RAB37: variants seen among roughly 807,000 people sequenced by gnomAD.
The protein encoded by RAB37 is ras-related protein Rab-37.
Under a neutral mutation model 33.1 loss-of-function variants are expected in RAB37, and 29 were observed. The observed-to-expected ratio is 0.88, with a 90% confidence interval of 0.65 to 1.20. The LOEUF is 1.20. Ranked by LOEUF, RAB37 falls within the 50% of genes most tolerant of loss-of-function variation. RAB37 has a pLI of 0.00. For missense variants in RAB37, 299 were observed against 301.1 expected, an observed-to-expected ratio of 0.99 and a Z score of 0.05; for synonymous variants, 128 against 119.5, an observed-to-expected ratio of 1.07 and a Z score of -0.47.
chr17:74,733,466 G>GTGTGTTGGTGAGGTGTGTGGTGT (rs1339989554), upstream of RAB37, among the ~76,000 whole-genome samples: 3 of 712 alleles, frequency 4.2e-3, no homozygotes, highest in Non-Finnish European at 0.01. Context: ...GTGATTTGAG[G>GTGTGTTGGTGAGGTGTGTGGTGT]GATGTGTGTG....
chr17:74,677,836 G>A (rs2031868867), intron 1 of RAB37, among the ~76,000 whole-genome samples: 1 of 152,128 alleles, frequency 6.6e-6, no homozygotes, highest in South Asian at 2.1e-4. Context: ...CCTCAAAGTC[G>A]TTTTCCAAAC....
intron 1 of RAB37, among the ~76,000 whole-genome samples, chr17:74,708,658 G>T (rs564615576): frequency 6.4e-4 from 98 of 152,160 alleles, no homozygotes; most frequent in African/African-American, 2.1e-3. Flanking sequence ...GGCTTACACC[G>T]GTAATCCCAG....
Position 74,671,740 on chromosome 17 carries a change from T to G in RAB37, c.72+82T>G, listed in dbSNP as rs1598172058. The G allele has an allele frequency of 7.9e-7, 1 of 1,261,488 alleles. No individual in the cohort carries two copies. The highest frequency in any genetic ancestry group is 2.3e-5 in the East Asian group (1 of 42,788). 78.1% of individuals were successfully genotyped at this position (1,261,488 alleles called of 1,614,324 possible). A position where few individuals can be genotyped will look rare whatever the true frequency, so the allele number is the denominator to read the frequency against. ...TTTTCTCCACTCCCCTGACTTTGCT[T>G]TGGGACTTAATGAGAAACTAGCTTG... On this transcript the variant is annotated intron_variant, in intron 1 of 7. Transcript: ENST00000340415. The surrounding 1 kb of genome is among the most constrained non-coding windows in gnomAD (Gnocchi z 5.0).
At chr17:74,740,718 C>T (rs763214595) in intron 1 of RAB37, 50 bp from the exon 2 acceptor site, 1 of 1,285,380 alleles carries the variant, frequency 7.8e-7, no homozygotes, top group Non-Finnish European at 1.1e-6. Context: ...CCTGGAATCC[C>T]AGAAGCTGCC....
intron 1 of RAB37, chr17:74,695,818 C>T (rs759263296): frequency 6.2e-7 from 1 of 1,614,142 alleles, no homozygotes; most frequent in South Asian, 1.1e-5. Context: ...GCTGCAGGGT[C>T]AGGTCTGCAT....
rs1022663394 is a variant in RAB37, at chr17:74,745,438, G to A, written c.*27G>A. 1 of 1,577,532 alleles carries A rather than the reference G, an allele frequency of 6.3e-7. No homozygotes were observed. The highest frequency in any genetic ancestry group is 1.3e-5 in the African/African-American group (1 of 74,254). ...TCCCAGGGGGCAGAGAGGAGGCTCT[G>A]GAGGCACACAGGATGCAGCCTTCCC... On this transcript the variant is annotated 3_prime_UTR_variant, in exon 9 of 9. Coordinates refer to ENST00000392613, the MANE Select transcript of RAB37 (RefSeq NM_001006638.3). The surrounding 1 kb of genome is among the most constrained non-coding windows in gnomAD (Gnocchi z 4.5).
Position 74,705,354 on chromosome 17 carries a change from G to C in RAB37, c.73-23902G>C. ...AATGCCTTTGAAGTTGATCAAAACA[G>C]CAACGGCAACTGGTCTCCATGTGCT... On this transcript the variant is annotated intron_variant, in intron 1 of 7. Transcript: ENST00000340415. 9.1e-6 allele frequency: 6 copies of C among 660,646 alleles called. No individual in the cohort carries two copies. The South Asian group carries it at 9.3e-5, about 10-fold the overall frequency. 40.9% of individuals were successfully genotyped at this position (660,646 alleles called of 1,614,324 possible).
At chr17:74,682,747 A>G (rs1232063312) in intron 1 of RAB37, among the ~76,000 whole-genome samples, 2 of 152,236 alleles carry the variant, frequency 1.3e-5, no homozygotes, top group Admixed American at 6.5e-5. Flanking sequence ...TCTGCTAAAA[A>G]TACAAAATTA....
intron 1 of RAB37, among the ~76,000 whole-genome samples, chr17:74,718,205 A>T (rs1316524227): frequency 6.6e-6 from 1 of 152,064 alleles, no homozygotes; most frequent in Non-Finnish European, 1.5e-5. Context: ...GAGGCAGGGG[A>T]ATCACCTGAG....
intron 1 of RAB37, among the ~76,000 whole-genome samples, chr17:74,726,891 T>C (rs551037051): frequency 6.6e-6 from 1 of 152,376 alleles, no homozygotes; most frequent in Admixed American, 6.5e-5. Flanking sequence ...CTTGAATTCT[T>C]GTCTTTGGAA....
chr17:74,718,153 G>T (rs905985870), intron 1 of RAB37, among the ~76,000 whole-genome samples: 1 of 152,042 alleles, frequency 6.6e-6, no homozygotes, highest in Non-Finnish European at 1.5e-5. Flanking sequence ...AATTAGCTGG[G>T]CATGGTGGCA....
intron 1 of RAB37, among the ~76,000 whole-genome samples, chr17:74,675,522 G>T (rs1184291121): frequency 1.3e-5 from 2 of 151,802 alleles, no homozygotes; most frequent in Admixed American, 1.3e-4. Context: ...CACCTAAAAT[G>T]ATGAGCTTTG....
At chr17:74,696,198 C>T (rs757701830) in intron 1 of RAB37, 1 of 1,607,376 alleles carries the variant, frequency 6.2e-7, no homozygotes, top group South Asian at 1.1e-5. Flanking sequence ...ATCTTACCTG[C>T]TCTGGGGACA....
At chr17:74,700,038 A>G (rs1368058374) in intron 1 of RAB37, among the ~76,000 whole-genome samples, 2 of 151,964 alleles carry the variant, frequency 1.3e-5, no homozygotes, top group Admixed American at 6.6e-5. Context: ...GCTACTTGGG[A>G]AGCTGAGGTG....
rs1381204255 is a variant in RAB37, at chr17:74,744,771, GGGCCACCAGCAGAGGGCAGGCAACGCCT to G, written c.433-100_433-73del. ...CAATCACACCTGCCTGCAGTCCCTT[GGGCCACCAGCAGAGGGCAGGCAACGCCT>G]GCTTCTGGGGCAAAATATGGGCCCG... On this transcript the variant is annotated intron_variant, in intron 6 of 8. Coordinates refer to ENST00000392613, the MANE Select transcript of RAB37 (RefSeq NM_001006638.3). The surrounding 1 kb of genome is among the most constrained non-coding windows in gnomAD (Gnocchi z 4.2). 4 of 1,386,972 alleles carry G rather than the reference GGGCCACCAGCAGAGGGCAGGCAACGCCT, an allele frequency of 2.9e-6. No individual in the cohort carries two copies. The highest frequency in any genetic ancestry group is 4.1e-6 in the Non-Finnish European group (4 of 974,190). The allele number at this position is 1,386,972 out of a possible 1,614,324, so 85.9% of individuals were successfully genotyped here. A position where few individuals can be genotyped will look rare whatever the true frequency, so the allele number is the denominator to read the frequency against.
At position 74,690,176 on chromosome 17, in the gene RAB37, G is replaced by T. The variant is rs566673896; in HGVS notation, c.72+18518G>T. On this transcript the variant is annotated intron_variant, in intron 1 of 7. Transcript: ENST00000340415. ...AGGCCTCCCTATGTTGCTCAGGCTG[G>T]TCTCAAACTCCTGGGCTCAATCGAT... is the stretch of plus-strand genomic sequence containing the variant. Among the ~76,000 whole-genome samples the T allele has an allele frequency of 1.2e-3, 180 of 152,176 alleles. 1 individual carries two copies. Among genetic ancestry groups the T allele is most frequent in the African/African-American group, 4.1e-3 (170 of 41,502 alleles).
chr17:74,739,985 C>T (rs1051232405), intron 1 of RAB37, among the ~76,000 whole-genome samples: 2 of 151,682 alleles, frequency 1.3e-5, no homozygotes, highest in Non-Finnish European at 2.9e-5. Flanking sequence ...GGAGAAACCC[C>T]GTCTCTACTA....
chr17:74,678,808 G>A (rs776505629), intron 1 of RAB37, among the ~76,000 whole-genome samples: 4 of 152,036 alleles, frequency 2.6e-5, no homozygotes, highest in South Asian at 2.1e-4. Context: ...CTTTTGTTAT[G>A]AGCCTTTTAA....
chr17:74,713,082 G>A (rs892513363), intron 1 of RAB37: 18 of 529,982 alleles, frequency 3.4e-5, no homozygotes, highest in East Asian at 6.8e-5. Context: ...CAAGGCGGGC[G>A]GATCACGAGA....
Sources: gnomAD v4.1 joint callset for allele counts (sites outside exome capture counted in the v4.1 genomes callset) on GRCh38, gnomAD v4.1.1 for gene constraint, Gnocchi (gnomAD v3.1) non-coding constraint, MANE v1.5 for transcripts, NCBI Gene and HGNC (gene_info 2026-07-23, HGNC 2026-07-21) for gene names.